B4GALT5: variants seen among roughly 807,000 people sequenced by gnomAD.
The protein encoded by B4GALT5 is UDP-Gal:beta-GlcNAc beta-1,4-galactosyltransferase 5.
A neutral mutation model predicts 45.0 loss-of-function variants in B4GALT5; 11 were observed. The ratio of observed to expected loss-of-function variants is 0.24; its 90% CI spans 0.15 to 0.40. B4GALT5 has a LOEUF of 0.40. Ranked by LOEUF, B4GALT5 falls within the 10% of genes least tolerant of loss-of-function variation. The pLI, the probability that B4GALT5 is intolerant of heterozygous loss-of-function variation, is 1.00. For synonymous variants in B4GALT5, 185 were observed against 182.9 expected (o/e 1.01, Z -0.09); for missense variants, 337 against 500.2 (o/e 0.67, Z 3.11).
chr20:49,710,405 C>CTTTTT (rs751939911), intron 1 of B4GALT5, among the ~76,000 whole-genome samples: 7 of 102,470 alleles, frequency 6.8e-5, no homozygotes, highest in Admixed American at 3.8e-4. Context: ...TTTTCTCTCT[C>CTTTTT]TTTTTTTTTT....
At chr20:49,681,196 A>C (rs1211517890) in intron 1 of B4GALT5, among the ~76,000 whole-genome samples, 1 of 144,674 alleles carries the variant, frequency 6.9e-6, no homozygotes, top group African/African-American at 2.6e-5. Context: ...AGCCTGCGCA[A>C]CAGAGCAAGA....
intron 6 of B4GALT5, among the ~76,000 whole-genome samples, 154 bp downstream of exon 6, chr20:49,640,324 G>A (rs1375485546): frequency 2.6e-5 from 4 of 152,118 alleles, no homozygotes; most frequent in East Asian, 1.9e-4. Context: ...GCTTTCTCCT[G>A]CCAAACAGTG....
chr20:49,682,554 C>G (rs2085768472), intron 1 of B4GALT5, among the ~76,000 whole-genome samples: 1 of 152,156 alleles, frequency 6.6e-6, no homozygotes. Flanking sequence ...CCCAGACAAC[C>G]ACATGGCTTG....
At chr20:49,639,942 A>G (rs1264936223) in intron 6 of B4GALT5, 142 bp from the exon 7 acceptor site, 26 of 1,177,414 alleles carry the variant, frequency 2.2e-5, no homozygotes, top group Non-Finnish European at 2.9e-5. Context: ...AGCAAAATTA[A>G]TTTTTGCAAA....
At chr20:49,706,899 T>C (rs923199042) in intron 1 of B4GALT5, among the ~76,000 whole-genome samples, 3 of 152,146 alleles carry the variant, frequency 2.0e-5, no homozygotes, top group Non-Finnish European at 2.9e-5. Flanking sequence ...GCAGCAAAAT[T>C]TAGGGAAGCA....
intron 1 of B4GALT5, among the ~76,000 whole-genome samples, chr20:49,661,104 T>G (rs886896896): frequency 1.3e-5 from 2 of 152,216 alleles, no homozygotes; most frequent in Admixed American, 6.5e-5. Flanking sequence ...GATATCATCT[T>G]GAGTGTTTAT....
chr20:49,641,677 A>G (rs1473795008), intron 5 of B4GALT5, among the ~76,000 whole-genome samples: 2 of 152,182 alleles, frequency 1.3e-5, no homozygotes, highest in African/African-American at 4.8e-5. Flanking sequence ...AGCAACTCAG[A>G]CTGTGAGACT....
chr20:49,677,107 G>A (rs1311310287), intron 1 of B4GALT5, among the ~76,000 whole-genome samples: 1 of 152,068 alleles, frequency 6.6e-6, no homozygotes, highest in African/African-American at 2.4e-5. Flanking sequence ...AAACCTCAGG[G>A]TATTAGAGAA....
chr20:49,655,100 C>T (rs1378493497), intron 2 of B4GALT5, among the ~76,000 whole-genome samples: 1 of 151,752 alleles, frequency 6.6e-6, no homozygotes, highest in Non-Finnish European at 1.5e-5. Context: ...CATTGCACTC[C>T]AGCCTGGGAG....
intron 1 of B4GALT5, among the ~76,000 whole-genome samples, chr20:49,696,189 C>T (rs545523483): frequency 6.6e-6 from 1 of 152,170 alleles, no homozygotes. Context: ...AGTTTACTCA[C>T]TCTTGACAAA....
intron 2 of B4GALT5, among the ~76,000 whole-genome samples, chr20:49,650,208 A>G (rs2085615890): frequency 6.6e-6 from 1 of 152,130 alleles, no homozygotes; most frequent in Admixed American, 6.5e-5. Context: ...TTTTCTTCTG[A>G]TTACTAAATT....
At chr20:49,695,703 T>C (rs577755747) in intron 1 of B4GALT5, among the ~76,000 whole-genome samples, 9 of 152,302 alleles carry the variant, frequency 5.9e-5, no homozygotes, top group African/African-American at 2.2e-4. Context: ...GCCCGGCCAG[T>C]GTGGTCACTG....
At chr20:49,694,287 T>C (rs139214537) in intron 1 of B4GALT5, among the ~76,000 whole-genome samples, 3 of 152,214 alleles carry the variant, frequency 2.0e-5, no homozygotes, top group African/African-American at 4.8e-5. Context: ...TGCGCATCTA[T>C]TTTTCTTTTC....
intron 8 of B4GALT5, among the ~76,000 whole-genome samples, chr20:49,636,937 A>ACACAC (rs1568713576): frequency 6.2e-5 from 4 of 64,818 alleles, no homozygotes; most frequent in African/African-American, 1.9e-4. Flanking sequence ...CACACACACA[A>ACACAC]AGAAAGAAAA....
intron 1 of B4GALT5, among the ~76,000 whole-genome samples, chr20:49,661,948 G>T (rs1471905454): frequency 6.6e-6 from 1 of 151,936 alleles, no homozygotes; most frequent in Non-Finnish European, 1.5e-5. Context: ...CCCCATTCAG[G>T]TCTACACAAT....
chr20:49,710,548 T>G (rs1026736509), intron 1 of B4GALT5, among the ~76,000 whole-genome samples: 17 of 151,878 alleles, frequency 1.1e-4, no homozygotes, highest in African/African-American at 3.9e-4. Context: ...GCCTCCTGAG[T>G]AGCTGGGATT....
At chr20:49,682,710 C>A (rs551158821) in intron 1 of B4GALT5, among the ~76,000 whole-genome samples, 41 of 152,308 alleles carry the variant, frequency 2.7e-4, no homozygotes, top group African/African-American at 9.6e-4. Context: ...AAAGGACACA[C>A]AAGTTTGCCT....
intron 3 of B4GALT5, among the ~76,000 whole-genome samples, chr20:49,643,922 C>CTTTTTTTTTTTTTTT (rs138727530): frequency 1.3e-4 from 7 of 52,184 alleles, no homozygotes; most frequent in African/African-American, 5.9e-4. Context: ...AGTAGCTGAG[C>CTTTTTTTTTTTTTTT]TTTTTTTTTT....
chr20:49,640,450 TCTTTA>T, intron 6 of B4GALT5, 23 bp downstream of exon 6: 1 of 1,534,178 alleles, frequency 6.5e-7, no homozygotes, highest in Non-Finnish European at 8.7e-7. Flanking sequence ...AGATTTAACC[TCTTTA>T]ATTAAGAAGA....
Sources: gnomAD v4.1 joint callset for allele counts (sites outside exome capture counted in the v4.1 genomes callset) on GRCh38, gnomAD v4.1.1 for gene constraint, MANE v1.5 for transcripts, NCBI Gene and HGNC (gene_info 2026-07-23, HGNC 2026-07-21) for gene names.